Variants in CENPN observed in about 807,000 individuals in gnomAD.
CENPN encodes interphase centromere complex protein 32.
In CENPN, 36 loss-of-function variants were observed where a neutral mutation model predicts 48.6. That is an observed-to-expected ratio of 0.74 (90% confidence interval 0.57 to 0.98). The LOEUF (loss-of-function observed/expected upper bound fraction) is 0.98. Ranked by LOEUF, CENPN falls within the 50% of genes least tolerant of loss-of-function variation. The pLI is 0.00. For synonymous variants in CENPN, 166 were observed against 135.2 expected, an observed-to-expected ratio of 1.23 and a Z score of -1.58; for missense variants, 439 against 399.2, an observed-to-expected ratio of 1.10 and a Z score of -0.85.
Position 81,014,065 on chromosome 16 carries a change from A to C in CENPN, c.172-71A>C, listed in dbSNP as rs1408753267. 2.3e-6 allele frequency: 3 copies of C among 1,289,606 alleles called. No individual in the cohort carries two copies. In the African/African-American group the frequency reaches 4.4e-5, roughly 19 times the overall value. 79.9% of individuals were successfully genotyped at this position (1,289,606 alleles called of 1,614,324 possible). ...CTAATAGTCTGTTCTAACCAATCCTAAAATGTGTTTTAAACGGGATAGAAC... is the reference window on the plus strand; with the variant it reads ...CTAATAGTCTGTTCTAACCAATCCTCAAATGTGTTTTAAACGGGATAGAAC... On this transcript the variant is annotated intron_variant, in intron 2 of 10. Coordinates refer to ENST00000305850, the MANE Select transcript of CENPN (RefSeq NM_001100624.3).
Position 81,029,797 on chromosome 16 carries a change from A to G in CENPN, c.*1146A>G, listed in dbSNP as rs1293567385. On this transcript the variant is annotated 3_prime_UTR_variant, in exon 11 of 11. Transcript: ENST00000305850. ...TCCATGTTGCCCAGGCTGATCTCAA[A>G]CTCCTGGGCTCAAGCAATCTGCCCA... Among the ~76,000 whole-genome samples the G allele has an allele frequency of 6.6e-6, 1 of 151,520 alleles. No individual in the cohort carries two copies. The highest frequency in any genetic ancestry group is 2.4e-5 in the African/African-American group (1 of 41,198).
Position 81,017,348 on chromosome 16 carries a change from G to A in CENPN, c.240G>A (p.Gln80=), listed in dbSNP as rs1325139945. 6.3e-7 allele frequency: 1 copy of A among 1,597,814 alleles called. No homozygotes were observed. The highest frequency in any genetic ancestry group is 1.3e-5 in the African/African-American group (1 of 74,652). The change falls in exon 4 of 11, where the codon CAG becomes CAA. Residue 80 remains glutamine, a synonymous_variant. Transcript: ENST00000305850. ...CAGATATGCAATTTCATCAGCACCA[G>A]AAAGTTTGGGAAGTTTTTCAGATGA... ...DIIYMQFHQH[Q]KVWEVFQMSK... is the part of the protein sequence containing the mutation.
At chr16:81,021,548 C>A (rs1226775044) in intron 6 of CENPN, among the ~76,000 whole-genome samples, 1 of 152,034 alleles carries the variant, frequency 6.6e-6, no homozygotes. Flanking sequence ...CCAGGCGAGC[C>A]CTAGGTAGTA....
chr16:81,022,786 G>A lies in CENPN; in HGVS notation c.633+88G>A, dbSNP rs147043519. On this transcript the variant is annotated intron_variant, in intron 7 of 10. Coordinates refer to ENST00000305850, the MANE Select transcript of CENPN (RefSeq NM_001100624.3). ...GAAGCTACTGGGAAAATCTACCTCC[G>A]ACAAGAGGAGATCATTTTAGATATT... 1.2e-5 allele frequency: 20 copies of A among 1,613,770 alleles called. No homozygotes were observed. In the African/African-American group the frequency reaches 1.3e-4, roughly 11 times the overall value.
rs1969857057 is a variant in CENPN, at chr16:81,014,403, T to C, written c.217+222T>C. 5 of 484,022 alleles carry C rather than the reference T, an allele frequency of 1.0e-5. No homozygotes were observed. In the South Asian group the frequency reaches 1.5e-4, roughly 15 times the overall value. The allele number at this position is 484,022 out of a possible 1,614,324, so 30.0% of individuals were successfully genotyped here. On this transcript the variant is annotated intron_variant, in intron 3 of 10. Coordinates refer to ENST00000305850, the MANE Select transcript of CENPN (RefSeq NM_001100624.3). ...CAGTGCACCACCATGTATGGCTAAT[T>C]TTTTGTATTTTTTGCCACAAGGTTT...
intron 1 of CENPN, among the ~76,000 whole-genome samples, chr16:81,009,489 G>C (rs990996747): frequency 6.6e-5 from 10 of 152,170 alleles, no homozygotes; most frequent in African/African-American, 1.9e-4. Flanking sequence ...TGTAGACCAT[G>C]GTGAAGGCTT....
At chr16:81,014,388 C>G (rs1209538177) in intron 3 of CENPN, 1 of 516,214 alleles carries the variant, frequency 1.9e-6, no homozygotes, top group East Asian at 3.1e-5. Flanking sequence ...CAGTGCACCA[C>G]CATGTATGGC....
chr16:81,018,148 G>GT (rs1324780602), intron 5 of CENPN, among the ~76,000 whole-genome samples: 1 of 151,830 alleles, frequency 6.6e-6, no homozygotes, highest in Admixed American at 6.6e-5. Flanking sequence ...TGCGGCTAGT[G>GT]TGACTGAGCA....
At chr16:81,020,038 A>G in intron 5 of CENPN, 62 bp from the exon 6 acceptor site, 1 of 1,462,336 alleles carries the variant, frequency 6.8e-7, no homozygotes, top group East Asian at 2.4e-5. Context: ...AAGCACCTGG[A>G]GTTGGTGCCA....
In CENPN at chr16:81,018,495, C is replaced by T. The variant is rs559039837; in HGVS notation, c.354+661C>T. ...AGCCTGAATTTTTAATCTTTTTAAA[C>T]TTCAATGATTTTTTACATTAAATAG... On this transcript the variant is annotated intron_variant, in intron 5 of 10. Coordinates refer to ENST00000305850, the MANE Select transcript of CENPN (RefSeq NM_001100624.3). 3.0e-4 allele frequency among the ~76,000 whole-genome samples: 45 copies of T among 152,234 alleles called. 2 individuals are homozygous for T. The South Asian group carries it at 8.9e-3, about 30-fold the overall frequency.
chr16:81,030,825 C>G lies in CENPN; in HGVS notation c.*2174C>G, dbSNP rs1970739490. 1 of 152,126 alleles carries G rather than the reference C, an allele frequency of 6.6e-6. No homozygotes were observed. The highest frequency in any genetic ancestry group is 1.5e-5 in the Non-Finnish European group (1 of 68,086). 9.4% of individuals were successfully genotyped at this position (152,126 alleles called of 1,614,324 possible). A position where few individuals can be genotyped will look rare whatever the true frequency, so the allele number is the denominator to read the frequency against. The stretch of plus-strand genomic sequence containing the variant: ...CTTTCAGAGGCCAAGGCAGGTGGGT[C>G]ACAAGGTCAAGAGTTTGAGACTAGC... On this transcript the variant is annotated 3_prime_UTR_variant, in exon 11 of 11. Transcript: ENST00000305850.
At chr16:81,020,844 C>T (rs1035691296) in intron 6 of CENPN, among the ~76,000 whole-genome samples, 1 of 152,140 alleles carries the variant, frequency 6.6e-6, no homozygotes, top group Non-Finnish European at 1.5e-5. Flanking sequence ...AATCCCAATA[C>T]TTTGGGAGGC....
rs8058979 is a variant in CENPN at position 81,030,621 on chromosome 16, C to T, written c.*1970C>T. 0.025 allele frequency: 3,915 copies of T among 153,538 alleles called. 40 individuals carry two copies. Among genetic ancestry groups the T allele is most frequent in the South Asian group, 0.037 (177 of 4,846 alleles). 9.5% of individuals were successfully genotyped at this position (153,538 alleles called of 1,614,324 possible). Reference sequence around the variant, plus strand: ...AAAATTAGTTGGGGGTAGTGGCAGCCGCCTGTAATCCCAGCTATTCGAGAG... The same window carrying T: ...AAAATTAGTTGGGGGTAGTGGCAGCTGCCTGTAATCCCAGCTATTCGAGAG... On this transcript the variant is annotated 3_prime_UTR_variant, in exon 11 of 11. Transcript: ENST00000305850.
At chr16:81,027,473 C>G (rs1213880612) in intron 9 of CENPN, among the ~76,000 whole-genome samples, 4 of 152,168 alleles carry the variant, frequency 2.6e-5, no homozygotes, top group Admixed American at 1.3e-4. Context: ...AAGTAAGACT[C>G]TGTCTCAAAA....
intron 2 of CENPN, among the ~76,000 whole-genome samples, chr16:81,013,498 C>T (rs1969822741): frequency 6.6e-6 from 1 of 152,144 alleles, no homozygotes; most frequent in African/African-American, 2.4e-5. Flanking sequence ...AAGGCCAAGG[C>T]AGGCAGATCA....
chr16:81,008,787 T>C (rs983371814), intron 1 of CENPN, among the ~76,000 whole-genome samples: 2 of 152,256 alleles, frequency 1.3e-5, no homozygotes, highest in African/African-American at 4.8e-5. Flanking sequence ...TTAGACTTAC[T>C]GACTATAGTG....
At chr16:81,014,457 T>C (rs62052258) in intron 3 of CENPN, 15,329 of 387,464 alleles carry the variant, frequency 0.04, 394 homozygotes, top group Non-Finnish European at 0.047. Context: ...GGTCTCCAGC[T>C]CCTGGGCTAA....
At chr16:81,032,583 G>T (rs1477751774), downstream of CENPN, 1 of 1,605,102 alleles carries the variant, frequency 6.2e-7, no homozygotes, top group Non-Finnish European at 8.5e-7. Flanking sequence ...TTGTTTGCAG[G>T]ATCCAAAAGC....
intron 2 of CENPN, among the ~76,000 whole-genome samples, chr16:81,012,572 GTC>G (rs1969787045): frequency 6.6e-6 from 1 of 151,968 alleles, no homozygotes; most frequent in Non-Finnish European, 1.5e-5. Flanking sequence ...CAATATACCC[GTC>G]TCTCCTTCAC....
Sources: gnomAD v4.1 joint callset for allele counts (sites outside exome capture counted in the v4.1 genomes callset) on GRCh38, gnomAD v4.1.1 for gene constraint, MANE v1.5 for transcripts, NCBI Gene and HGNC (gene_info 2026-07-23, HGNC 2026-07-21) for gene names.